Variants in ETNK1 observed in about 807,000 individuals in gnomAD.
ETNK1 encodes ethanolamine kinase 1.
ETNK1 carries 8 observed loss-of-function variants against 45.1 expected under a neutral mutation model. That is an observed-to-expected ratio of 0.18 (90% CI 0.10 to 0.32). ETNK1 has a LOEUF of 0.32. Ranked by LOEUF, ETNK1 falls within the 10% of genes least tolerant of loss-of-function variation. The probability of loss-of-function intolerance (pLI) is 1.00; values close to 1 mark genes in which losing one functional copy is unlikely to be tolerated. For missense variants in ETNK1, 302 were observed against 430.6 expected (o/e 0.70, Z 2.64); for synonymous variants, 152 against 151.9 (o/e 1.00, Z -0.01).
intron 3 of ETNK1, 68 bp downstream of exon 3, chr12:22,659,222 A>G: frequency 2.8e-6 from 4 of 1,441,638 alleles, no homozygotes; most frequent in Non-Finnish European, 3.8e-6. Flanking sequence ...TTTCAAAGGT[A>G]ATTGTAAAGT....
chr12:22,674,818 A>C (rs1404557381), intron 6 of ETNK1, among the ~76,000 whole-genome samples: 1 of 152,130 alleles, frequency 6.6e-6, no homozygotes, highest in Non-Finnish European at 1.5e-5. Context: ...TTTTTGGGGG[A>C]TACTGTGACT....
Position 22,690,129 on chromosome 12 carries a change from G to A in ETNK1, c.*5175G>A, listed in dbSNP as rs985205001. 8 of 152,408 alleles carry A rather than the reference G, an allele frequency of 5.2e-5. No homozygotes were observed. Among genetic ancestry groups the A allele is most frequent in the African/African-American group, 7.2e-5 (3 of 41,416 alleles). 9.4% of individuals were successfully genotyped at this position (152,408 alleles called of 1,614,324 possible). On this transcript the variant is annotated 3_prime_UTR_variant, in exon 8 of 8. Coordinates refer to ENST00000266517, the MANE Select transcript of ETNK1 (RefSeq NM_018638.5). ...AAATTGTGGCATAAAGCTTAAATTC[G>A]TGTTTATCAAATGTGAACCATAGTA...
intron 6 of ETNK1, among the ~76,000 whole-genome samples, chr12:22,680,156 C>T (rs969161492): frequency 6.6e-6 from 1 of 152,156 alleles, no homozygotes; most frequent in Non-Finnish European, 1.5e-5. Flanking sequence ...TTTGGGTCTA[C>T]CCCTTCCAAG....
At chr12:22,666,732 GA>G (rs1954056852) in intron 4 of ETNK1, among the ~76,000 whole-genome samples, 1 of 152,192 alleles carries the variant, frequency 6.6e-6, no homozygotes, top group African/African-American at 2.4e-5. Context: ...CAAATGAGTG[GA>G]AGAAAAGGAA....
Position 22,661,198 on chromosome 12 carries a change from G to C in ETNK1, c.693G>C (p.Glu231Asp), listed in dbSNP as rs1381489001. Reference sequence around the variant, plus strand: ...TGTGTAAGAATATAATCTACAATGAGAAACAAGGTAGGTATTTGACCTTAG... The same window carrying C: ...TGTGTAAGAATATAATCTACAATGACAAACAAGGTAGGTATTTGACCTTAG... ...DLLCKNIIYN[E>D]KQGDVQFIDY... The change falls in exon 4 of 8, where the codon GAG (glutamate) becomes GAC (aspartate). Residue 231 changes from glutamate to aspartate, a missense_variant. Physicochemically the swap from Glu to Asp is conservative, Grantham distance 45 (BLOSUM62 2). Coordinates refer to ENST00000266517, the MANE Select transcript of ETNK1 (RefSeq NM_018638.5). 6.2e-7 allele frequency: 1 copy of C among 1,601,548 alleles called. No individual in the cohort carries two copies. The highest frequency in any genetic ancestry group is 2.2e-5 in the East Asian group (1 of 44,456).
At chr12:22,654,006 A>G (rs1953910516) in intron 2 of ETNK1, among the ~76,000 whole-genome samples, 1 of 152,198 alleles carries the variant, frequency 6.6e-6, no homozygotes, top group Non-Finnish European at 1.5e-5. Flanking sequence ...CCTTTTGTTG[A>G]GACCTGATTC....
chr12:22,631,479 GTATT>G (rs1280129084), intron 1 of ETNK1, among the ~76,000 whole-genome samples: 5 of 152,078 alleles, frequency 3.3e-5, no homozygotes, highest in Non-Finnish European at 7.4e-5. Context: ...CCGGTGGTAA[GTATT>G]CTTTTGTGAA....
rs1001635660 is a variant in ETNK1, at chr12:22,671,358, ATAACTAATGGAG to A, written c.784+9_784+20del. 1.3e-6 allele frequency: 2 copies of A among 1,541,454 alleles called. No homozygotes were observed. Among genetic ancestry groups the A allele is most frequent in the Admixed American group, 3.3e-5 (2 of 59,866 alleles). On this transcript the variant is annotated splice_donor_5th_base_variant and intron_variant, in intron 5 of 7. Transcript: ENST00000266517. ...AAATCATTTCAATGAATTTGCAGGT[ATAACTAATGGAG>A]TAACTTATTTAGCTTTGAAACGATA...
At chr12:22,645,755 A>C (rs935496877) in intron 2 of ETNK1, among the ~76,000 whole-genome samples, 2 of 151,690 alleles carry the variant, frequency 1.3e-5, no homozygotes, top group African/African-American at 4.8e-5. Flanking sequence ...TGAAATATAC[A>C]ATAAATTATT....
rs953571701 is a variant in ETNK1, at chr12:22,688,682, C to T, written c.*3728C>T. The T allele has an allele frequency of 1.4e-4, 21 of 152,402 alleles. No homozygotes were observed. The highest frequency in any genetic ancestry group is 3.9e-4 in the Admixed American group (6 of 15,262). The allele number at this position is 152,402 out of a possible 1,614,324, so 9.4% of individuals were successfully genotyped here. A position where few individuals can be genotyped will look rare whatever the true frequency, so the allele number is the denominator to read the frequency against. Reference sequence around the variant, plus strand: ...TGCTAGGAAACTTGTTGACAGTAACCTGTGCGACTTTATGCAGAAGACAAA... The same window carrying T: ...TGCTAGGAAACTTGTTGACAGTAACTTGTGCGACTTTATGCAGAAGACAAA... On this transcript the variant is annotated 3_prime_UTR_variant, in exon 8 of 8. Coordinates refer to ENST00000266517, the MANE Select transcript of ETNK1 (RefSeq NM_018638.5).
intron 1 of ETNK1, among the ~76,000 whole-genome samples, chr12:22,631,527 A>G (rs1242682286): frequency 1.3e-5 from 2 of 152,200 alleles, no homozygotes; most frequent in African/African-American, 4.8e-5. Context: ...GTGTCTATGT[A>G]CATATTATAT....
At chr12:22,636,718 A>T (rs1300890425) in intron 1 of ETNK1, among the ~76,000 whole-genome samples, 1 of 152,114 alleles carries the variant, frequency 6.6e-6, no homozygotes, top group Non-Finnish European at 1.5e-5. Flanking sequence ...ATGTGCAGAT[A>T]TTTTTTCTTG....
chr12:22,645,527 C>A (rs12301700), intron 2 of ETNK1, among the ~76,000 whole-genome samples: 7,908 of 151,754 alleles, frequency 0.052, 654 homozygotes, highest in African/African-American at 0.18. Flanking sequence ...ATTTCTTTCC[C>A]AAATGCCAAA....
At chr12:22,684,841 C>A in intron 7 of ETNK1, 41 bp from the exon 8 acceptor site, 1 of 1,509,808 alleles carries the variant, frequency 6.6e-7, no homozygotes, top group Non-Finnish European at 9.0e-7. Flanking sequence ...CCAAGTTTTT[C>A]AGCTTTGACT....
intron 3 of ETNK1, among the ~76,000 whole-genome samples, chr12:22,659,909 A>C (rs958211057): frequency 5.1e-4 from 77 of 152,244 alleles, no homozygotes; most frequent in African/African-American, 1.6e-3. Context: ...AAAATAATAC[A>C]ACTAGAACAT....
chr12:22,645,309 A>G (rs1485412695), intron 2 of ETNK1, among the ~76,000 whole-genome samples: 7 of 151,850 alleles, frequency 4.6e-5, no homozygotes, highest in Admixed American at 3.3e-4. Context: ...GAAGGGCCAC[A>G]TGAGTTTCCT....
chr12:22,658,596 T>A (rs1455729121), intron 2 of ETNK1, among the ~76,000 whole-genome samples: 1 of 152,174 alleles, frequency 6.6e-6, no homozygotes, highest in Non-Finnish European at 1.5e-5. Context: ...GCTGTGGGAT[T>A]TTGGAATTGG....
chr12:22,647,837 A>G (rs1331825434), intron 2 of ETNK1, among the ~76,000 whole-genome samples: 1 of 151,988 alleles, frequency 6.6e-6, no homozygotes, highest in African/African-American at 2.4e-5. Context: ...AGGGTTTGAA[A>G]CATTTGGCTT....
Position 22,659,161 on chromosome 12 carries a change from T to G in ETNK1, c.557+7T>G. ...ATGAAGACATTAATAAAAGGTAAAA[T>G]TATTTTTACATTTGAAATTATGTTT... On this transcript the variant is annotated splice_region_variant and intron_variant, in intron 3 of 7. Coordinates refer to ENST00000266517, the MANE Select transcript of ETNK1 (RefSeq NM_018638.5). 1 of 1,608,398 alleles carries G rather than the reference T, an allele frequency of 6.2e-7. No individual in the cohort carries two copies. Among genetic ancestry groups the G allele is most frequent in the Non-Finnish European group, 8.5e-7 (1 of 1,176,462 alleles).
Sources: allele counts gnomAD v4.1 joint callset (sites outside exome capture counted in the v4.1 genomes callset), GRCh38; gene constraint gnomAD v4.1.1; transcripts MANE v1.5; gene names NCBI Gene and HGNC (gene_info 2026-07-23, HGNC 2026-07-21).